Variants in ZNF721 observed in about 807,000 individuals in gnomAD.
ZNF721 encodes zinc finger protein 721.
A neutral mutation model predicts 2.4 loss-of-function variants in ZNF721; 2 were observed. That is an observed-to-expected ratio of 0.82 (90% confidence interval 0.34 to 2.58). ZNF721 has a LOEUF of 2.58. Ranked by LOEUF, ZNF721 falls within the 30% of genes most tolerant of loss-of-function variation. ZNF721 has a pLI of 0.11. For missense variants in ZNF721, 1,187 were observed against 1,085.5 expected (o/e 1.09, Z -1.31); for synonymous variants, 398 against 381.8 (o/e 1.04, Z -0.50).
intron 1 of ZNF721, among the ~76,000 whole-genome samples, chr4:497,827 GGCGGA>G (rs1168638116): frequency 1.3e-5 from 2 of 152,084 alleles, no homozygotes; most frequent in Non-Finnish European, 2.9e-5. Flanking sequence ...GAACCCGGGA[GGCGGA>G]GCTTGCAGTG....
chr4:448,476 TAAAC>T (rs1279946554), intron 2 of ZNF721, among the ~76,000 whole-genome samples: 1 of 151,430 alleles, frequency 6.6e-6, no homozygotes, highest in East Asian at 1.9e-4. Context: ...TTATAGAAAT[TAAAC>T]AATACAAACT....
chr4:475,697 G>A (rs1715607489), intron 1 of ZNF721, among the ~76,000 whole-genome samples: 1 of 151,324 alleles, frequency 6.6e-6, no homozygotes, highest in Non-Finnish European at 1.5e-5. Context: ...TTCAGGGTAG[G>A]AATGTCCTAC....
intron 2 of ZNF721, among the ~76,000 whole-genome samples, chr4:467,079 G>T (rs1032365687): frequency 1.3e-5 from 2 of 152,050 alleles, no homozygotes; most frequent in Non-Finnish European, 2.9e-5. Flanking sequence ...AAAATTAGCC[G>T]GGCGTGGTGG....
intron 1 of ZNF721, among the ~76,000 whole-genome samples, chr4:483,345 C>T (rs1715815920): frequency 1.3e-5 from 2 of 152,044 alleles, no homozygotes; most frequent in African/African-American, 4.8e-5. Flanking sequence ...GAGGTCAGTT[C>T]ATGACCAGCC....
intron 1 of ZNF721, among the ~76,000 whole-genome samples, chr4:484,575 G>A (rs567920421): frequency 2.6e-5 from 4 of 152,158 alleles, no homozygotes; most frequent in African/African-American, 2.4e-5. Flanking sequence ...TATAAACAGC[G>A]CCCCCAGGCA....
At chr4:486,319 C>T (rs191809329) in intron 1 of ZNF721, among the ~76,000 whole-genome samples, 212 of 152,096 alleles carry the variant, frequency 1.4e-3, no homozygotes, top group African/African-American at 4.9e-3. Flanking sequence ...CCACCATGTC[C>T]GGCTAATTTT....
At chr4:488,702 C>T (rs1188128059) in intron 1 of ZNF721, among the ~76,000 whole-genome samples, 3 of 152,148 alleles carry the variant, frequency 2.0e-5, no homozygotes, top group Middle Eastern at 3.4e-3. Context: ...TGGTGGTACA[C>T]ACCCATAATC....
At chr4:481,382 G>C (rs1228943234) in intron 1 of ZNF721, among the ~76,000 whole-genome samples, 1 of 152,108 alleles carries the variant, frequency 6.6e-6, no homozygotes, top group Non-Finnish European at 1.5e-5. Flanking sequence ...ATGGGTAAGA[G>C]GTAAGAGCTC....
chr4:466,353 G>A (rs1715250737), intron 2 of ZNF721, among the ~76,000 whole-genome samples: 1 of 152,060 alleles, frequency 6.6e-6, no homozygotes, highest in Non-Finnish European at 1.5e-5. Context: ...ATACCTTTTT[G>A]GAAAATTTAA....
chr4:451,245 CCAAA>C (rs1553864825), intron 2 of ZNF721, among the ~76,000 whole-genome samples: 2 of 151,920 alleles, frequency 1.3e-5, no homozygotes, highest in African/African-American at 2.4e-5. Context: ...CACCAAGTTC[CCAAA>C]CAGGTTGTGT....
chr4:459,406 T>C (rs946604697), intron 2 of ZNF721, among the ~76,000 whole-genome samples: 4 of 152,016 alleles, frequency 2.6e-5, no homozygotes, highest in African/African-American at 7.3e-5. Flanking sequence ...ACCCATCTCA[T>C]GTGCAAAGAC....
intron 1 of ZNF721, among the ~76,000 whole-genome samples, chr4:494,614 A>G (rs1233130616): frequency 1.3e-5 from 2 of 152,234 alleles, no homozygotes; most frequent in African/African-American, 4.8e-5. Context: ...ATAAGAAAGG[A>G]AACAACTCAG....
intron 1 of ZNF721, among the ~76,000 whole-genome samples, chr4:478,823 G>A (rs1425928713): frequency 6.7e-6 from 1 of 149,464 alleles, no homozygotes; most frequent in Non-Finnish European, 1.5e-5. Context: ...AGGCTGGAGT[G>A]CAGTGGCACG....
intron 2 of ZNF721, among the ~76,000 whole-genome samples, chr4:449,455 G>A (rs1344403175): frequency 6.6e-6 from 1 of 151,914 alleles, no homozygotes; most frequent in East Asian, 1.9e-4. Context: ...CACAAATAAA[G>A]ATTTAAATGG....
In ZNF721 at chr4:443,220, G is replaced by T; in HGVS notation, c.1247C>A (p.Pro416His). The change falls in exon 3 of 3, where the codon CCC becomes CAC. Residue 416 changes from proline (P) to histidine (H), a missense_variant. By Grantham distance (77) the Pro-to-His change is moderately conservative. Transcript: ENST00000511833. ...AHKRIHTREK[P>H]YTCEDRGRAF... Reference sequence around the variant, plus strand: ...TCTGCCACGATCTTCACATGTGTAGGGTTTCTCTCTGGTGTGAATTCTCTT... The same window carrying T: ...TCTGCCACGATCTTCACATGTGTAGTGTTTCTCTCTGGTGTGAATTCTCTT... 6.2e-7 allele frequency: 1 copy of T among 1,613,860 alleles called. No individual in the cohort carries two copies. Among genetic ancestry groups the T allele is most frequent in the Non-Finnish European group, 8.5e-7 (1 of 1,179,894 alleles).
chr4:480,392 A>G (rs368633462), intron 1 of ZNF721, among the ~76,000 whole-genome samples: 16 of 152,330 alleles, frequency 1.1e-4, no homozygotes, highest in African/African-American at 3.8e-4. Context: ...TACTTATTTC[A>G]CAAATTTTTA....
chr4:473,037 G>A (rs1288979256), intron 1 of ZNF721, among the ~76,000 whole-genome samples: 1 of 152,016 alleles, frequency 6.6e-6, no homozygotes, highest in Non-Finnish European at 1.5e-5. Flanking sequence ...TATAATATGC[G>A]AGGAACTTAA....
Position 447,088 on chromosome 4 carries a change from G to A in ZNF721, c.35-2656C>T, listed in dbSNP as rs545862759. 7.2e-5 allele frequency among the ~76,000 whole-genome samples: 11 copies of A among 152,230 alleles called. 1 individual carries two copies. The highest frequency in any genetic ancestry group is 6.8e-3 in the Middle Eastern group (2 of 294). ...TGTAATCCCAGCACTTTGGGAGGCC[G>A]AGGCGGGTGGATCACAAGGTCAGGA... is the stretch of plus-strand genomic sequence containing the variant. On this transcript the variant is annotated intron_variant, in intron 2 of 2. Transcript: ENST00000511833.
chr4:465,899 T>TA (rs1560235333), intron 2 of ZNF721, among the ~76,000 whole-genome samples: 3 of 151,840 alleles, frequency 2.0e-5, no homozygotes, highest in Non-Finnish European at 4.4e-5. Context: ...ATGAAAGGAT[T>TA]AAAAAACAGA....
Sources: allele counts gnomAD v4.1 joint callset (sites outside exome capture counted in the v4.1 genomes callset), GRCh38; gene constraint gnomAD v4.1.1; transcripts MANE v1.5; gene names NCBI Gene and HGNC (gene_info 2026-07-23, HGNC 2026-07-21).